MAGI2: variants seen among roughly 807,000 people sequenced by gnomAD.
MAGI2 encodes membrane-associated guanylate kinase, WW and PDZ domain-containing protein 2.
A neutral mutation model predicts 133.3 loss-of-function variants in MAGI2; 35 were observed. The ratio of observed to expected loss-of-function variants is 0.26; its 90% CI spans 0.20 to 0.35. The LOEUF is 0.35. MAGI2 is among the 10% of genes least tolerant of loss of function. The pLI, the probability that MAGI2 is intolerant of heterozygous loss-of-function variation, is 1.00. For missense variants in MAGI2, 1,636 were observed against 1,863.4 expected (o/e 0.88, Z 2.25); for synonymous variants, 729 against 710.6 (o/e 1.03, Z -0.41).
chr7:78,614,447 A>G (rs1355531642), intron 3 of MAGI2: 1 of 152,184 alleles, frequency 6.6e-6, no homozygotes, highest in African/African-American at 2.4e-5. Flanking sequence ...TTTTAAATCC[A>G]GCACATTCAT....
At chr7:78,072,620 T>A (rs1208087809) in intron 21 of MAGI2, 3 of 289,010 alleles carry the variant, frequency 1.0e-5, no homozygotes, top group Non-Finnish European at 1.9e-5. Flanking sequence ...GAAGAAAGGA[T>A]GTACTCAGCA....
chr7:78,119,759 T>G (rs1281311633), intron 20 of MAGI2, among the ~76,000 whole-genome samples: 1 of 152,008 alleles, frequency 6.6e-6, no homozygotes, highest in African/African-American at 2.4e-5. Context: ...TGCACCTTCT[T>G]CTCAATTTTG....
chr7:78,037,181 T>G (rs1468597391), intron 21 of MAGI2, among the ~76,000 whole-genome samples: 3 of 151,944 alleles, frequency 2.0e-5, no homozygotes, highest in African/African-American at 7.3e-5. Context: ...TGGCTCTGGG[T>G]GTACCTAGCG....
rs192917560 is a variant in MAGI2, at chr7:78,565,081, C to T, written c.539-43436G>A. On this transcript the variant is annotated intron_variant, in intron 3 of 21. Transcript: ENST00000354212. ...GTGCTGGGATTACAGGTGTGAGCAC[C>T]GCGCCCGGCCTCCTTGACCTTCTTT... Among the ~76,000 whole-genome samples, 64 of 151,736 alleles carry T rather than the reference C, an allele frequency of 4.2e-4. 1 individual carries two copies. The highest frequency in any genetic ancestry group is 1.4e-3 in the African/African-American group (59 of 41,294).
intron 6 of MAGI2, among the ~76,000 whole-genome samples, chr7:78,472,513 A>G (rs187435067): frequency 2.0e-5 from 3 of 152,234 alleles, no homozygotes; most frequent in Non-Finnish European, 4.4e-5. Context: ...AAATTTAAGG[A>G]TTGCACATTG....
At chr7:78,795,384 G>A (rs570318689) in intron 2 of MAGI2, among the ~76,000 whole-genome samples, 6 of 151,708 alleles carry the variant, frequency 4.0e-5, no homozygotes, top group Admixed American at 1.3e-4. Context: ...ATCAACATAC[G>A]AGAACCAGTG....
intron 2 of MAGI2, among the ~76,000 whole-genome samples, chr7:78,702,509 T>C (rs973870076): frequency 6.6e-6 from 1 of 152,022 alleles, no homozygotes; most frequent in Non-Finnish European, 1.5e-5. Context: ...CCTTCCTCAC[T>C]GGTTAGTTAT....
intron 14 of MAGI2, among the ~76,000 whole-genome samples, chr7:78,171,611 C>T (rs1029123513): frequency 5.9e-5 from 9 of 152,320 alleles, no homozygotes; most frequent in African/African-American, 1.9e-4. Flanking sequence ...AGCACAAGAC[C>T]TGAGCTCCCT....
chr7:78,680,328 G>T (rs1815510138), intron 2 of MAGI2, among the ~76,000 whole-genome samples: 1 of 152,126 alleles, frequency 6.6e-6, no homozygotes, highest in Admixed American at 6.6e-5. Flanking sequence ...AGTATAATGA[G>T]TTATCATTAT....
rs141995745 is a variant in MAGI2 at position 78,064,799 on chromosome 7, G to T, written c.3706+14148C>A. On this transcript the variant is annotated intron_variant, in intron 21 of 21. Transcript: ENST00000354212. ...GGCTGCTCTAGGGATGTATTTCAGGGGTAAAAAGTTGCTTGAACCATGGTT... is the reference window on the plus strand; with the variant it reads ...GGCTGCTCTAGGGATGTATTTCAGGTGTAAAAAGTTGCTTGAACCATGGTT... 2.4e-3 allele frequency among the ~76,000 whole-genome samples: 368 copies of T among 152,148 alleles called. 1 individual carries two copies. The highest frequency in any genetic ancestry group is 8.3e-3 in the African/African-American group (343 of 41,518).
At chr7:79,255,168 T>C (rs1392715238) in intron 1 of MAGI2, among the ~76,000 whole-genome samples, 2 of 152,180 alleles carry the variant, frequency 1.3e-5, no homozygotes, top group East Asian at 3.8e-4. Flanking sequence ...AACACCCATA[T>C]CCCATGAAAA....
intron 2 of MAGI2, among the ~76,000 whole-genome samples, chr7:78,724,870 T>C (rs183917134): frequency 7.2e-5 from 11 of 152,270 alleles, no homozygotes; most frequent in Admixed American, 2.6e-4. Context: ...ACATGAATCA[T>C]TGAAGGAGTG....
chr7:78,920,533 T>C (rs1799142854), intron 2 of MAGI2, among the ~76,000 whole-genome samples: 2 of 152,178 alleles, frequency 1.3e-5, no homozygotes, highest in African/African-American at 2.4e-5. Flanking sequence ...AAAACTGTAT[T>C]TGTTGTTTTC....
chr7:78,781,669 T>C (rs978382927), intron 2 of MAGI2, among the ~76,000 whole-genome samples: 1 of 152,082 alleles, frequency 6.6e-6, no homozygotes, highest in Non-Finnish European at 1.5e-5. Context: ...TATATTTCTA[T>C]GGGAAAGAAA....
At chr7:78,498,801 G>A (rs1395451769) in intron 5 of MAGI2, among the ~76,000 whole-genome samples, 1 of 152,114 alleles carries the variant, frequency 6.6e-6, no homozygotes, top group African/African-American at 2.4e-5. Context: ...TCCAGTCTAT[G>A]GAGGAACCTT....
At chr7:78,619,818 T>C (rs573516036) in intron 3 of MAGI2, among the ~76,000 whole-genome samples, 2 of 152,094 alleles carry the variant, frequency 1.3e-5, no homozygotes, top group South Asian at 4.1e-4. Flanking sequence ...TAAAGGGGTA[T>C]AAAACTTCAC....
chr7:79,064,291 A>G (rs1427122404), intron 1 of MAGI2, among the ~76,000 whole-genome samples: 1 of 152,060 alleles, frequency 6.6e-6, no homozygotes, highest in Non-Finnish European at 1.5e-5. Context: ...ATTGAGTCAT[A>G]AAACATTTAT....
At chr7:78,304,417 A>G (rs1798088291) in intron 9 of MAGI2, among the ~76,000 whole-genome samples, 1 of 151,922 alleles carries the variant, frequency 6.6e-6, no homozygotes, top group Non-Finnish European at 1.5e-5. Flanking sequence ...CTTTCCTTTT[A>G]CTTAGGTTTT....
chr7:78,724,773 T>C (rs1245065783), intron 2 of MAGI2, among the ~76,000 whole-genome samples: 1 of 150,814 alleles, frequency 6.6e-6, no homozygotes, highest in Non-Finnish European at 1.5e-5. Flanking sequence ...GGTCCAAGGC[T>C]AGACCACCTA....
Sources: gnomAD v4.1 joint callset for allele counts (sites outside exome capture counted in the v4.1 genomes callset) on GRCh38, gnomAD v4.1.1 for gene constraint, MANE v1.5 for transcripts, NCBI Gene and HGNC (gene_info 2026-07-23, HGNC 2026-07-21) for gene names.